The following DOCK1 variants were observed in gnomAD, a reference collection of about 807,000 sequenced individuals.
DOCK1 encodes dedicator of cytokinesis 1, also known as dedicator of cytokinesis protein 1.
DOCK1 carries 138 observed loss-of-function variants against 262.7 expected under a neutral mutation model. That is an observed-to-expected ratio of 0.53 (90% CI 0.46 to 0.61). The LOEUF (loss-of-function observed/expected upper bound fraction) is 0.61. Ranked by LOEUF, DOCK1 falls within the 20% of genes least tolerant of loss-of-function variation. The pLI is 0.00. For missense variants in DOCK1, 1,908 were observed against 2,370.7 expected (o/e 0.80, Z 4.05); for synonymous variants, 866 against 867.4 (o/e 1.00, Z 0.03).
At chr10:127,201,470 T>C (rs1194582443) in intron 27 of DOCK1, among the ~76,000 whole-genome samples, 1 of 152,206 alleles carries the variant, frequency 6.6e-6, no homozygotes, top group African/African-American at 2.4e-5. Flanking sequence ...AATACAAATT[T>C]GTTTTGGAAA....
chr10:127,013,672 C>T (rs1468228655), intron 12 of DOCK1: 1 of 152,170 alleles, frequency 6.6e-6, no homozygotes, highest in African/African-American at 2.4e-5. Context: ...GGGTCCAGTT[C>T]CTTGAACTTC....
At chr10:127,417,801 C>G (rs1215336922) in intron 44 of DOCK1, among the ~76,000 whole-genome samples, 1 of 152,090 alleles carries the variant, frequency 6.6e-6, no homozygotes, top group Non-Finnish European at 1.5e-5. Flanking sequence ...GTCTTGAACT[C>G]CTGACCTCAG....
At chr10:127,233,130 A>C (rs2058915841) in intron 27 of DOCK1, among the ~76,000 whole-genome samples, 1 of 152,332 alleles carries the variant, frequency 6.6e-6, no homozygotes, top group Non-Finnish European at 1.5e-5. Context: ...TATCATTAAA[A>C]TATTTGAATT....
rs1311464052 is a variant in DOCK1 at position 127,093,197 on chromosome 10, TTTTTCTTTCTTTCTTTCTTTC to T, written c.2446-13010_2446-12990del. On this transcript the variant is annotated intron_variant, in intron 23 of 51. Coordinates refer to ENST00000623213, the MANE Select transcript of DOCK1 (RefSeq NM_001290223.2). ...GCTTTGCATCTGAATCTCCCTCTCC[TTTTTCTTTCTTTCTTTCTTTC>T]TTTTCTTTCTTTCTTTCTTTCTTCT... Among the ~76,000 whole-genome samples the T allele has an allele frequency of 4.7e-4, 59 of 124,834 alleles. 4 individuals carry two copies. The South Asian group carries it at 8.1e-3, about 17-fold the overall frequency. The allele number at this position is 124,834 out of a possible 152,430, so 81.9% of individuals were successfully genotyped here. A position where few individuals can be genotyped will look rare whatever the true frequency, so the allele number is the denominator to read the frequency against.
intron 27 of DOCK1, among the ~76,000 whole-genome samples, chr10:127,173,447 T>C (rs1476172997): frequency 6.6e-6 from 1 of 152,102 alleles, no homozygotes; most frequent in South Asian, 2.1e-4. Context: ...CTAAGAGGAG[T>C]GTAAGAAGGC....
intron 10 of DOCK1, among the ~76,000 whole-genome samples, chr10:127,008,255 G>A (rs537699543): frequency 3.9e-5 from 6 of 151,992 alleles, no homozygotes; most frequent in Non-Finnish European, 8.8e-5. Flanking sequence ...ACACCACCAC[G>A]CCTGGATAAT....
intron 47 of DOCK1, among the ~76,000 whole-genome samples, chr10:127,428,789 CTG>C (rs1491471834): frequency 4.2e-5 from 3 of 71,722 alleles, no homozygotes. Flanking sequence ...GCTGTGTGGA[CTG>C]TGTCATGTGG....
At chr10:127,033,320 C>A (rs61873979) in intron 18 of DOCK1, among the ~76,000 whole-genome samples, 1 of 152,304 alleles carries the variant, frequency 6.6e-6, no homozygotes, top group South Asian at 2.1e-4. Context: ...CAGCTGGTGC[C>A]GTGCCCTTGT....
At chr10:127,285,446 A>G (rs912278110) in intron 29 of DOCK1, among the ~76,000 whole-genome samples, 4 of 152,256 alleles carry the variant, frequency 2.6e-5, no homozygotes, top group African/African-American at 9.6e-5. Flanking sequence ...ATAAATGGCC[A>G]TCGCTGACTG....
intron 29 of DOCK1, among the ~76,000 whole-genome samples, chr10:127,287,468 G>C (rs1211092793): frequency 1.3e-5 from 2 of 152,128 alleles, no homozygotes; most frequent in African/African-American, 2.4e-5. Flanking sequence ...AGGATTACAG[G>C]AATGAGCCAC....
At chr10:127,301,610 G>A (rs2061680922) in intron 29 of DOCK1, among the ~76,000 whole-genome samples, 1 of 152,174 alleles carries the variant, frequency 6.6e-6, no homozygotes, top group African/African-American at 2.4e-5. Flanking sequence ...TATGGGCAAG[G>A]GTATGTAATG....
At chr10:127,379,915 T>A (rs938423872) in intron 35 of DOCK1, among the ~76,000 whole-genome samples, 167 bp from the exon 36 acceptor site, 12 of 152,170 alleles carry the variant, frequency 7.9e-5, no homozygotes, top group Admixed American at 1.3e-4. Flanking sequence ...AGTGAAGAAC[T>A]GTGTAAGATG....
At chr10:127,108,443 T>A (rs1326231701) in intron 24 of DOCK1, among the ~76,000 whole-genome samples, 1 of 152,096 alleles carries the variant, frequency 6.6e-6, no homozygotes, top group Non-Finnish European at 1.5e-5. Context: ...AAAAATTAGC[T>A]GGGCATGATG....
intron 27 of DOCK1, among the ~76,000 whole-genome samples, chr10:127,169,817 C>G (rs767199228): frequency 6.6e-6 from 1 of 152,232 alleles, no homozygotes; most frequent in South Asian, 2.1e-4. Context: ...GTGCACATGA[C>G]CTTCCATTAC....
chr10:127,326,190 A>C (rs919236130), intron 29 of DOCK1, among the ~76,000 whole-genome samples: 1 of 152,190 alleles, frequency 6.6e-6, no homozygotes, highest in Non-Finnish European at 1.5e-5. Flanking sequence ...GTTTTTTAAA[A>C]TAAGGCAACA....
chr10:126,956,586 C>G (rs941316001), intron 1 of DOCK1, among the ~76,000 whole-genome samples: 1 of 152,132 alleles, frequency 6.6e-6, no homozygotes, highest in African/African-American at 2.4e-5. Context: ...CTCCTCAGCT[C>G]GCACTGGGGC....
chr10:127,000,232 G>A lies in DOCK1; in HGVS notation c.910G>A (p.Val304Met), dbSNP rs140885933. The change falls in exon 10 of 52, where the codon GTG (valine) becomes ATG (methionine). Residue 304 changes from valine to methionine, a missense_variant. By Grantham distance (21) the Val-to-Met change is conservative (BLOSUM62 1). Coordinates refer to ENST00000623213, the MANE Select transcript of DOCK1 (RefSeq NM_001290223.2). ...KISFVCQIVR[V>M]GRMELRDNNT... is the part of the protein sequence containing the mutation. The stretch of plus-strand genomic sequence containing the variant: ...CAGTTTTGTCTGTCAGATTGTTCGC[G>A]TGGGTCGCATGGAGCTGAGGGACAA... The A allele has an allele frequency of 2.3e-4, 370 of 1,614,018 alleles. 3 individuals are homozygous for A. Among genetic ancestry groups the A allele is most frequent in the Middle Eastern group, 1.3e-3 (8 of 6,062 alleles).
chr10:126,999,098 A>C (rs113090210), intron 8 of DOCK1, among the ~76,000 whole-genome samples: 18 of 152,200 alleles, frequency 1.2e-4, no homozygotes, highest in African/African-American at 4.1e-4. Context: ...TAAAAAAAAA[A>C]CCAACTTAGA....
intron 38 of DOCK1, among the ~76,000 whole-genome samples, chr10:127,385,477 C>G (rs1351253053): frequency 6.6e-6 from 1 of 152,042 alleles, no homozygotes; most frequent in Non-Finnish European, 1.5e-5. Flanking sequence ...AACCTGCCAC[C>G]GAAGTGACAT....
Sources: gnomAD v4.1 joint callset for allele counts (sites outside exome capture counted in the v4.1 genomes callset) on GRCh38, gnomAD v4.1.1 for gene constraint, MANE v1.5 for transcripts, NCBI Gene and HGNC (gene_info 2026-07-23, HGNC 2026-07-21) for gene names.